ZNF521: variants seen among roughly 807,000 people sequenced by gnomAD.
ZNF521 encodes the protein LYST-interacting protein 3.
Under a neutral mutation model 105.5 loss-of-function variants are expected in ZNF521, and 14 were observed. The observed-to-expected ratio is 0.13, with a 90% CI of 0.09 to 0.21. ZNF521 has a LOEUF of 0.21. ZNF521 is among the 10% of genes least tolerant of loss of function. The pLI is 1.00. For synonymous variants in ZNF521, 635 were observed against 606.0 expected, an observed-to-expected ratio of 1.05 and a Z score of -0.70; for missense variants, 1,233 against 1,629.7, an observed-to-expected ratio of 0.76 and a Z score of 4.19.
chr18:25,297,142 C>CATAT (rs1555659980), intron 3 of ZNF521, among the ~76,000 whole-genome samples: 103 of 146,318 alleles, frequency 7.0e-4, no homozygotes, highest in African/African-American at 1.6e-3. Context: ...CACACACACA[C>CATAT]ATATATATAT....
At chr18:25,275,300 A>T (rs896996379) in intron 3 of ZNF521, among the ~76,000 whole-genome samples, 4 of 152,302 alleles carry the variant, frequency 2.6e-5, no homozygotes, top group Admixed American at 6.5e-5. Context: ...AAATTTTTTT[A>T]AAAAATAGGA....
chr18:25,182,180 T>C (rs1348723035), intron 5 of ZNF521, among the ~76,000 whole-genome samples: 5 of 152,158 alleles, frequency 3.3e-5, no homozygotes, highest in Admixed American at 6.6e-5. Flanking sequence ...ATAGCCTAAG[T>C]GACCTCTTGC....
At chr18:25,267,442 C>G (rs919959082) in intron 3 of ZNF521, among the ~76,000 whole-genome samples, 1 of 152,266 alleles carries the variant, frequency 6.6e-6, no homozygotes, top group South Asian at 2.1e-4. Flanking sequence ...GGTCAGACTG[C>G]CTCCTCAAGG....
chr18:25,067,115 C>A (rs958791099), intron 7 of ZNF521, among the ~76,000 whole-genome samples: 1 of 151,782 alleles, frequency 6.6e-6, no homozygotes, highest in African/African-American at 2.4e-5. Flanking sequence ...TCCTGGAGAC[C>A]CCATGTCTAA....
chr18:25,135,771 T>C (rs1418519806), intron 5 of ZNF521, among the ~76,000 whole-genome samples: 1 of 152,136 alleles, frequency 6.6e-6, no homozygotes, highest in Non-Finnish European at 1.5e-5. Flanking sequence ...TCCTGTTTCT[T>C]AGGAGAGTTA....
In ZNF521 at chr18:25,325,991, G is replaced by T. The variant is rs373826464; in HGVS notation, c.41-3804C>A. 4.6e-5 allele frequency among the ~76,000 whole-genome samples: 7 copies of T among 152,098 alleles called. No homozygotes were observed. In the East Asian group the frequency reaches 1.3e-3, roughly 29 times the overall value. On this transcript the variant is annotated intron_variant, in intron 2 of 7. Coordinates refer to ENST00000361524, the MANE Select transcript of ZNF521 (RefSeq NM_015461.3). ...ACAACTGTGGGGAAAATGAAAAATT[G>T]CACTGGCTTAAAAGTGTTGGAGGCA... is the stretch of plus-strand genomic sequence containing the variant.
chr18:25,084,039 C>T (rs1020064849), intron 7 of ZNF521, among the ~76,000 whole-genome samples: 1 of 149,124 alleles, frequency 6.7e-6, no homozygotes, highest in African/African-American at 2.5e-5. Flanking sequence ...CTGCCTCAGC[C>T]TCTCAAAGTG....
chr18:25,070,005 T>C (rs1220887796), intron 7 of ZNF521, among the ~76,000 whole-genome samples: 1 of 152,234 alleles, frequency 6.6e-6, no homozygotes, highest in Non-Finnish European at 1.5e-5. Context: ...TTTTGACATT[T>C]AACAGTTCAC....
At chr18:25,138,134 C>T (rs1023501371) in intron 5 of ZNF521, among the ~76,000 whole-genome samples, 1 of 152,088 alleles carries the variant, frequency 6.6e-6, no homozygotes, top group Non-Finnish European at 1.5e-5. Context: ...CCCAACCTTG[C>T]CCACATGCTT....
At chr18:25,158,282 G>A (rs933433594) in intron 5 of ZNF521, among the ~76,000 whole-genome samples, 2 of 151,992 alleles carry the variant, frequency 1.3e-5, no homozygotes, top group African/African-American at 4.8e-5. Flanking sequence ...ATATATGCAT[G>A]TGCATGTATA....
At chr18:25,346,933 T>G (rs371445891) in intron 2 of ZNF521, among the ~76,000 whole-genome samples, 63 of 152,346 alleles carry the variant, frequency 4.1e-4, no homozygotes, top group African/African-American at 1.5e-3. Context: ...TGGCTCTTAC[T>G]GAATATATCA....
At chr18:25,321,841 A>AC (rs1165756320) in intron 3 of ZNF521, among the ~76,000 whole-genome samples, 167 bp downstream of exon 3, 1 of 152,192 alleles carries the variant, frequency 6.6e-6, no homozygotes, top group Non-Finnish European at 1.5e-5. Context: ...CACTGAGGTT[A>AC]CCCCAAACAA....
intron 2 of ZNF521, among the ~76,000 whole-genome samples, chr18:25,350,525 C>A (rs977053509): frequency 6.6e-6 from 1 of 152,202 alleles, no homozygotes; most frequent in Non-Finnish European, 1.5e-5. Context: ...CATATTTATT[C>A]TTTGCGAAAA....
At chr18:25,182,599 A>C (rs1466193844) in intron 5 of ZNF521, among the ~76,000 whole-genome samples, 3 of 152,170 alleles carry the variant, frequency 2.0e-5, no homozygotes, top group Non-Finnish European at 4.4e-5. Flanking sequence ...CATATATGTG[A>C]TATACGTAAT....
intron 3 of ZNF521, among the ~76,000 whole-genome samples, chr18:25,310,031 T>C (rs1259681747): frequency 6.6e-6 from 1 of 152,180 alleles, no homozygotes; most frequent in Non-Finnish European, 1.5e-5. Flanking sequence ...CTCTTACTTT[T>C]ATTTTCTGCT....
intron 5 of ZNF521, among the ~76,000 whole-genome samples, chr18:25,144,347 T>C (rs1419911886): frequency 6.6e-6 from 1 of 152,110 alleles, no homozygotes; most frequent in East Asian, 1.9e-4. Context: ...GAAAAAGAAG[T>C]TCATTACCTA....
At chr18:25,219,295 G>A (rs1203171808) in intron 4 of ZNF521, among the ~76,000 whole-genome samples, 1 of 152,200 alleles carries the variant, frequency 6.6e-6, no homozygotes, top group Non-Finnish European at 1.5e-5. Flanking sequence ...GTACATATGA[G>A]CTGCAGTCAA....
intron 5 of ZNF521, among the ~76,000 whole-genome samples, chr18:25,185,949 A>G (rs2035714540): frequency 6.6e-6 from 1 of 152,246 alleles, no homozygotes; most frequent in Non-Finnish European, 1.5e-5. Flanking sequence ...TGTTTGGACA[A>G]TATAAACAGG....
At chr18:25,300,418 C>G (rs1911570078) in intron 3 of ZNF521, among the ~76,000 whole-genome samples, 1 of 152,178 alleles carries the variant, frequency 6.6e-6, no homozygotes, top group Admixed American at 6.5e-5. Context: ...CATATACACA[C>G]TCGATGACAA....
Sources: allele counts gnomAD v4.1 joint callset (sites outside exome capture counted in the v4.1 genomes callset), GRCh38; gene constraint gnomAD v4.1.1; transcripts MANE v1.5; gene names NCBI Gene and HGNC (gene_info 2026-07-23, HGNC 2026-07-21).